The following GPATCH2 variants were observed in gnomAD, a reference collection of about 807,000 sequenced individuals.
GPATCH2 encodes the protein G patch domain-containing protein 2.
GPATCH2 carries 51 observed loss-of-function variants against 58.0 expected under a neutral mutation model. The observed-to-expected ratio is 0.88, with a 90% confidence interval of 0.70 to 1.11. GPATCH2 has a LOEUF of 1.11. Among genes scored for constraint, GPATCH2 ranks in the 50% most tolerant of loss-of-function variants. GPATCH2 has a pLI of 0.00. For synonymous variants in GPATCH2, 222 were observed against 218.5 expected, an observed-to-expected ratio of 1.02 and a Z score of -0.14; for missense variants, 625 against 652.2, an observed-to-expected ratio of 0.96 and a Z score of 0.45.
intron 5 of GPATCH2, among the ~76,000 whole-genome samples, chr1:217,597,957 T>C (rs939321146): frequency 3.9e-5 from 6 of 152,212 alleles, no homozygotes; most frequent in Non-Finnish European, 7.3e-5. Context: ...TGGGACTGTA[T>C]ATGCTATCAT....
At chr1:217,608,960 T>G (rs971431881) in intron 5 of GPATCH2, 3 of 984,214 alleles carry the variant, frequency 3.0e-6, no homozygotes, top group Non-Finnish European at 3.6e-6. Context: ...TCTTTCAGAC[T>G]TTAAAAACTT....
At chr1:217,463,098 C>G (rs1467780571) in intron 8 of GPATCH2, among the ~76,000 whole-genome samples, 1 of 151,950 alleles carries the variant, frequency 6.6e-6, no homozygotes, top group Non-Finnish European at 1.5e-5. Flanking sequence ...TTTTGAGGCC[C>G]AATCATAAGT....
chr1:217,571,703 C>CAAAAAAA (rs11463536), intron 5 of GPATCH2, among the ~76,000 whole-genome samples: 22 of 73,806 alleles, frequency 3.0e-4, no homozygotes, highest in East Asian at 5.1e-4. Flanking sequence ...AAAACGAAAC[C>CAAAAAAA]AAAAAAAAAA....
At chr1:217,608,726 A>T (rs1668479578) in intron 5 of GPATCH2, 1 of 983,464 alleles carries the variant, frequency 1.0e-6, no homozygotes. Flanking sequence ...TATACAAAAT[A>T]AAACAAAAGC....
intron 8 of GPATCH2, among the ~76,000 whole-genome samples, chr1:217,467,109 G>A (rs1222639453): frequency 2.6e-5 from 4 of 152,178 alleles, no homozygotes; most frequent in African/African-American, 4.8e-5. Context: ...CCTGGGAGGC[G>A]GATGTTGCAG....
At chr1:217,595,692 G>A (rs1006464361) in intron 5 of GPATCH2, among the ~76,000 whole-genome samples, 1 of 152,048 alleles carries the variant, frequency 6.6e-6, no homozygotes, top group East Asian at 1.9e-4. Flanking sequence ...TAGAGAAAGG[G>A]TTTTGCCATG....
intron 9 of GPATCH2, among the ~76,000 whole-genome samples, chr1:217,440,474 C>T (rs1659082021): frequency 6.6e-6 from 1 of 152,256 alleles, no homozygotes; most frequent in East Asian, 1.9e-4. Context: ...CCCTCTCTCA[C>T]CACTCCTATT....
intron 8 of GPATCH2, among the ~76,000 whole-genome samples, chr1:217,489,040 T>C (rs1208755017): frequency 2.6e-5 from 4 of 151,876 alleles, no homozygotes; most frequent in Admixed American, 1.3e-4. Flanking sequence ...TATGATTCAA[T>C]TGTCTAATTT....
chr1:217,584,482 T>C (rs1667246437), intron 5 of GPATCH2, among the ~76,000 whole-genome samples: 1 of 151,340 alleles, frequency 6.6e-6, no homozygotes, highest in South Asian at 2.1e-4. Context: ...TGAGCCTAGA[T>C]TGCACCATTG....
Position 217,491,764 on chromosome 1 carries a change from T to C in GPATCH2, c.1207-14A>G. On this transcript the variant is annotated splice_polypyrimidine_tract_variant and intron_variant, in intron 7 of 9. Transcript: ENST00000366935. Reference sequence around the variant, plus strand: ...CAGAAGCTGATGCTACACAAAGTGTTAAGACAAAGTCATAGAAACAAAAAT... The same window carrying C: ...CAGAAGCTGATGCTACACAAAGTGTCAAGACAAAGTCATAGAAACAAAAAT... 1 of 1,112,076 alleles carries C rather than the reference T, an allele frequency of 9.0e-7. No homozygotes were observed. The highest frequency in any genetic ancestry group is 1.5e-5 in the South Asian group (1 of 65,050). The allele number at this position is 1,112,076 out of a possible 1,614,324, so 68.9% of individuals were successfully genotyped here. A position where few individuals can be genotyped will look rare whatever the true frequency, so the allele number is the denominator to read the frequency against.
At chr1:217,556,834 A>C (rs1328209849) in intron 5 of GPATCH2, among the ~76,000 whole-genome samples, 1 of 152,190 alleles carries the variant, frequency 6.6e-6, no homozygotes, top group Non-Finnish European at 1.5e-5. Context: ...CGGGGAAGCC[A>C]ATGATCCTTA....
chr1:217,449,375 G>GA (rs774951419), intron 8 of GPATCH2, 38 bp from the exon 9 acceptor site: 9 of 1,225,006 alleles, frequency 7.3e-6, no homozygotes, highest in Admixed American at 1.7e-5. Context: ...TAACAAAGAA[G>GA]AAAAAATGAC....
intron 5 of GPATCH2, among the ~76,000 whole-genome samples, chr1:217,590,289 T>C (rs904089999): frequency 3.3e-5 from 5 of 152,134 alleles, no homozygotes; most frequent in African/African-American, 1.2e-4. Flanking sequence ...CCCAAAGCGC[T>C]GGGATTACAG....
At chr1:217,519,859 G>A (rs972295037) in intron 5 of GPATCH2, among the ~76,000 whole-genome samples, 10 of 152,082 alleles carry the variant, frequency 6.6e-5, no homozygotes, top group African/African-American at 2.2e-4. Context: ...TATATAATAA[G>A]TGATATGTGT....
chr1:217,522,112 AAAC>A (rs1663494270), intron 5 of GPATCH2, among the ~76,000 whole-genome samples: 1 of 152,228 alleles, frequency 6.6e-6, no homozygotes, highest in Admixed American at 6.5e-5. Context: ...ACGTAAAACT[AAAC>A]AATATAATTG....
chr1:217,536,297 T>C (rs1287683383), intron 5 of GPATCH2, among the ~76,000 whole-genome samples: 1 of 152,220 alleles, frequency 6.6e-6, no homozygotes, highest in East Asian at 1.9e-4. Flanking sequence ...TCTGATTTCA[T>C]AGATTTTCTG....
intron 3 of GPATCH2, among the ~76,000 whole-genome samples, chr1:217,612,782 C>T (rs1392906321): frequency 3.3e-5 from 5 of 152,138 alleles, no homozygotes; most frequent in Non-Finnish European, 7.4e-5. Context: ...GCTCTGAAAT[C>T]AGACAGACCA....
chr1:217,552,824 T>A (rs548297642), intron 5 of GPATCH2, among the ~76,000 whole-genome samples: 2 of 152,258 alleles, frequency 1.3e-5, no homozygotes, highest in African/African-American at 4.8e-5. Flanking sequence ...CCTCAAGGCT[T>A]AAAGATTCAT....
intron 5 of GPATCH2, among the ~76,000 whole-genome samples, chr1:217,543,174 T>G (rs7532828): frequency 0.013 from 1,911 of 152,160 alleles, 39 homozygotes; most frequent in African/African-American, 0.043. Context: ...GGATCAACAT[T>G]TAGTACAGAG....
Sources: gnomAD v4.1 joint callset for allele counts (sites outside exome capture counted in the v4.1 genomes callset) on GRCh38, gnomAD v4.1.1 for gene constraint, MANE v1.5 for transcripts, NCBI Gene and HGNC (gene_info 2026-07-23, HGNC 2026-07-21) for gene names.